The following PITX3 variants were observed in gnomAD, a reference collection of about 807,000 sequenced individuals.
PITX3 encodes paired like homeodomain 3, also known as pituitary homeobox 3.
A neutral mutation model predicts 14.2 loss-of-function variants in PITX3; 4 were observed. That is an observed-to-expected ratio of 0.28 (90% CI 0.14 to 0.65). The LOEUF (loss-of-function observed/expected upper bound fraction) is 0.65. Ranked by LOEUF, PITX3 falls within the 30% of genes least tolerant of loss-of-function variation. The pLI, the probability that PITX3 is intolerant of heterozygous loss-of-function variation, is 0.82. For missense variants in PITX3, 358 were observed against 426.8 expected (o/e 0.84, Z 1.42); for synonymous variants, 194 against 204.5 (o/e 0.95, Z 0.44).
chr10:102,235,726 G>T (rs977749857), intron 1 of PITX3, among the ~76,000 whole-genome samples: 2 of 152,172 alleles, frequency 1.3e-5, no homozygotes, highest in African/African-American at 4.8e-5. Context: ...TCTCATCCCT[G>T]TGTCTGCCCT....
In PITX3 at chr10:102,241,102, C is replaced by T. The variant is rs887328021; in HGVS notation, c.-13+231G>A. Among the ~76,000 whole-genome samples, 2 of 152,178 alleles carry T rather than the reference C, an allele frequency of 1.3e-5. No homozygotes were observed. The highest frequency in any genetic ancestry group is 4.8e-5 in the African/African-American group (2 of 41,454). ...AGCCCCTATCCTGGTTTCAAGTCTC[C>T]GGCTTCGTTCCGGATCCTCTGAGTC... On this transcript the variant is annotated intron_variant, in intron 1 of 3. Transcript: ENST00000370002. The surrounding 1 kb of genome is among the most constrained non-coding windows in gnomAD (Gnocchi z 6.7).
intron 1 of PITX3, among the ~76,000 whole-genome samples, chr10:102,232,992 G>A (rs775661956): frequency 6.6e-6 from 1 of 152,200 alleles, no homozygotes; most frequent in Non-Finnish European, 1.5e-5. Flanking sequence ...TGAGGAAACC[G>A]TAACTTGAAG....
Position 102,230,508 on chromosome 10 carries a change from G to A in PITX3, c.*6C>T, listed in dbSNP as rs1310404376. 1 of 1,604,868 alleles carries A rather than the reference G, an allele frequency of 6.2e-7. No homozygotes were observed. The highest frequency in any genetic ancestry group is 1.1e-5 in the South Asian group (1 of 89,650). ...GCCCTCGGGGATGATCTACGGGCGG[G>A]GCCGCTCATACGGGCCTTTCCACGG... On this transcript the variant is annotated 3_prime_UTR_variant, in exon 4 of 4. Transcript: ENST00000370002.
chr10:102,235,753 C>T (rs1299467379), intron 1 of PITX3, among the ~76,000 whole-genome samples: 8 of 152,228 alleles, frequency 5.3e-5, no homozygotes, highest in African/African-American at 1.9e-4. Context: ...AGTGAGTCAT[C>T]TGCCCAGACT....
chr10:102,232,121 G>T, intron 1 of PITX3, 29 bp from the exon 2 acceptor site: 1 of 1,247,104 alleles, frequency 8.0e-7, no homozygotes, highest in Non-Finnish European at 1.1e-6. Context: ...ACAGACCAGG[G>T]TAATGGGGGT....
At chr10:102,232,817 T>C (rs891171085) in intron 1 of PITX3, among the ~76,000 whole-genome samples, 1 of 152,214 alleles carries the variant, frequency 6.6e-6, no homozygotes, top group African/African-American at 2.4e-5. Context: ...CAATCATACC[T>C]GAGACACAGA....
In PITX3 at chr10:102,230,192, A is replaced by G. The variant is rs2070197241; in HGVS notation, c.*322T>C. 2.6e-6 allele frequency: 1 copy of G among 387,916 alleles called. No individual in the cohort carries two copies. The highest frequency in any genetic ancestry group is 4.7e-6 in the Non-Finnish European group (1 of 213,838). 24.0% of individuals were successfully genotyped at this position (387,916 alleles called of 1,614,324 possible). On this transcript the variant is annotated 3_prime_UTR_variant, in exon 4 of 4. Coordinates refer to ENST00000370002, the MANE Select transcript of PITX3 (RefSeq NM_005029.4). ...AACTTTGAATCATCACGCCTTCGAC[A>G]GTCCGCGCACGTTTATTTCATTTAT...
chr10:102,239,843 A>T (rs1051068393), intron 1 of PITX3, among the ~76,000 whole-genome samples: 2 of 152,222 alleles, frequency 1.3e-5, no homozygotes, highest in African/African-American at 4.8e-5. Context: ...CAGCAGAGTC[A>T]GGGCTGTATC....
rs757732129 is a variant in PITX3, at chr10:102,232,100, C to G, written c.-12-8G>C. 6.8e-7 allele frequency: 1 copy of G among 1,476,920 alleles called. No homozygotes were observed. The highest frequency in any genetic ancestry group is 9.3e-7 in the Non-Finnish European group (1 of 1,071,844). The allele number at this position is 1,476,920 out of a possible 1,614,324, so 91.5% of individuals were successfully genotyped here. A position where few individuals can be genotyped will look rare whatever the true frequency, so the allele number is the denominator to read the frequency against. Reference sequence around the variant, plus strand: ...CTCCATGGAGGGAGGGCTCTGGAGGCGAGAGAAGACACAGACCAGGGTAAT... The same window carrying G: ...CTCCATGGAGGGAGGGCTCTGGAGGGGAGAGAAGACACAGACCAGGGTAAT... On this transcript the variant is annotated splice_region_variant and splice_polypyrimidine_tract_variant and intron_variant, in intron 1 of 3. Transcript: ENST00000370002.
intron 1 of PITX3, among the ~76,000 whole-genome samples, chr10:102,236,706 C>A (rs1044071349): frequency 6.6e-6 from 1 of 152,208 alleles, no homozygotes; most frequent in African/African-American, 2.4e-5. Context: ...CCACTTAAGT[C>A]CTGAAGCCAG....
intron 1 of PITX3, 81 bp from the exon 2 acceptor site, chr10:102,232,173 A>G (rs1269716733): frequency 5.0e-6 from 4 of 793,296 alleles, no homozygotes; most frequent in African/African-American, 1.7e-5. Flanking sequence ...GTTTCCTCGT[A>G]AATTCCCTGG....
At chr10:102,240,313 A>T (rs550036351) in intron 1 of PITX3, among the ~76,000 whole-genome samples, 1 of 152,212 alleles carries the variant, frequency 6.6e-6, no homozygotes, top group South Asian at 2.1e-4. Flanking sequence ...CTGTCCTCAA[A>T]TTTGGATTCT....
At chr10:102,233,362 G>T (rs1224525216) in intron 1 of PITX3, among the ~76,000 whole-genome samples, 1 of 137,144 alleles carries the variant, frequency 7.3e-6, no homozygotes, top group Non-Finnish European at 1.5e-5. Context: ...GGAGTGCAGT[G>T]GTATGATCTC....
Position 102,230,435 on chromosome 10 carries a change from G to T in PITX3, c.*79C>A, listed in dbSNP as rs1250294765. 1 of 1,530,390 alleles carries T rather than the reference G, an allele frequency of 6.5e-7. No individual in the cohort carries two copies. The allele number at this position is 1,530,390 out of a possible 1,614,324, so 94.8% of individuals were successfully genotyped here. ...CTTTCAGACCCTGGGGCGGGAGCAA[G>T]CCAGTCAAAATGACCCCAGTCCGCG... On this transcript the variant is annotated 3_prime_UTR_variant, in exon 4 of 4. Coordinates refer to ENST00000370002, the MANE Select transcript of PITX3 (RefSeq NM_005029.4).
chr10:102,237,037 C>T lies in PITX3; in HGVS notation c.-13+4296G>A, dbSNP rs113713235. The stretch of plus-strand genomic sequence containing the variant: ...TTGAAGCACTCAAGTTATTAAGGGA[C>T]GATTCGGGGATCAGAGAAATGACTC... On this transcript the variant is annotated intron_variant, in intron 1 of 3. Coordinates refer to ENST00000370002, the MANE Select transcript of PITX3 (RefSeq NM_005029.4). Among the ~76,000 whole-genome samples the T allele has an allele frequency of 8.2e-4, 125 of 152,266 alleles. 1 individual carries two copies. The highest frequency in any genetic ancestry group is 2.4e-3 in the African/African-American group (100 of 41,556).
chr10:102,240,105 T>G (rs1253592122), intron 1 of PITX3, among the ~76,000 whole-genome samples: 1 of 152,244 alleles, frequency 6.6e-6, no homozygotes, highest in Non-Finnish European at 1.5e-5. Flanking sequence ...TCCTGCCCAC[T>G]GTAGGGAAGG....
At chr10:102,231,436 G>T in intron 3 of PITX3, 152 bp downstream of exon 3, 1 of 631,902 alleles carries the variant, frequency 1.6e-6, no homozygotes, top group East Asian at 2.7e-5. Flanking sequence ...AGGTTGGCGG[G>T]CAAGAGACCG....
chr10:102,236,154 A>T (rs1377487536), intron 1 of PITX3, among the ~76,000 whole-genome samples: 1 of 152,212 alleles, frequency 6.6e-6, no homozygotes, highest in African/African-American at 2.4e-5. Flanking sequence ...GGGGGCGCCA[A>T]GCTGTTGTCT....
In PITX3 at chr10:102,230,678, C is replaced by G. The variant is rs1192412176; in HGVS notation, c.745G>C (p.Ala249Pro). Reference protein sequence around the residue: ...YASAAAAAAAAASSPYVYRDP... With the variant: ...YASAAAAAAAPASSPYVYRDP... ...CGATAGACGTAGGGGGAAGAGGCGG[C>G]AGCCGCGGCGGCGGCGGCGGCCGAG... Residue 249 changes from alanine (A) to proline (P), a missense_variant, in exon 4 of 4, where the codon GCC becomes CCC. Physicochemically the swap from Ala to Pro is conservative, Grantham distance 27 (BLOSUM62 -1). Around this residue, in one of 3 missense-constraint regions of PITX3, gnomAD observed 236 missense variants for 250.2 expected, o/e 0.94. Coordinates refer to ENST00000370002, the MANE Select transcript of PITX3 (RefSeq NM_005029.4). 1.3e-6 allele frequency: 2 copies of G among 1,582,562 alleles called. No homozygotes were observed. Among genetic ancestry groups the G allele is most frequent in the Non-Finnish European group, 8.6e-7 (1 of 1,165,554 alleles).
Sources: gnomAD v4.1 joint callset for allele counts (sites outside exome capture counted in the v4.1 genomes callset) on GRCh38, gnomAD v4.1.1 for gene constraint, gnomAD v4.1.1 regional missense constraint, Gnocchi (gnomAD v3.1) non-coding constraint, MANE v1.5 for transcripts, NCBI Gene and HGNC (gene_info 2026-07-23, HGNC 2026-07-21) for gene names.